Variants in SRRD observed in about 807,000 individuals in gnomAD.
The protein encoded by SRRD is SRR1 domain containing.
Under a neutral mutation model 30.7 loss-of-function variants are expected in SRRD, and 28 were observed. The ratio of observed to expected loss-of-function variants is 0.91; its 90% CI spans 0.68 to 1.25. The LOEUF is 1.25. Among genes scored for constraint, SRRD ranks in the 50% most tolerant of loss-of-function variants. The probability of loss-of-function intolerance (pLI) is 0.00; values close to 1 mark genes in which losing one functional copy is unlikely to be tolerated. For missense variants in SRRD, 415 were observed against 417.3 expected (o/e 0.99, Z 0.05); for synonymous variants, 161 against 159.6 (o/e 1.01, Z -0.07).
chr22:26,493,994 G>A lies in SRRD; in HGVS notation c.*2322G>A. ...AGCTGACCATGTACCCCAGTCAGCAGGGTGAGAGTCTGTTGCTATGTGCAA... is the reference window on the plus strand; with the variant it reads ...AGCTGACCATGTACCCCAGTCAGCAAGGTGAGAGTCTGTTGCTATGTGCAA... On this transcript the variant is annotated 3_prime_UTR_variant, in exon 7 of 7. Coordinates refer to ENST00000215917, the MANE Select transcript of SRRD (RefSeq NM_001013694.3). 1 of 850,684 alleles carries A rather than the reference G, an allele frequency of 1.2e-6. No individual in the cohort carries two copies. Among genetic ancestry groups the A allele is most frequent in the Non-Finnish European group, 1.8e-6 (1 of 555,364 alleles). 52.7% of individuals were successfully genotyped at this position (850,684 alleles called of 1,614,324 possible).
chr22:26,490,559 C>CTTTTTTTGTTTTTTTTTTTTTTTT (rs1921027462), intron 5 of SRRD, among the ~76,000 whole-genome samples: 1 of 51,834 alleles, frequency 1.9e-5, no homozygotes, highest in Non-Finnish European at 3.4e-5. Context: ...GGAATATTTG[C>CTTTTTTTGTTTTTTTTTTTTTTTT]TTTTTTTTTT....
chr22:26,485,333 G>C (rs2091682920), intron 1 of SRRD, among the ~76,000 whole-genome samples: 1 of 152,184 alleles, frequency 6.6e-6, no homozygotes, highest in East Asian at 1.9e-4. Context: ...TCTACCCTCT[G>C]TGAGAAACGT....
At position 26,488,245 on chromosome 22, in the gene SRRD, G is replaced by C. The variant is rs368944593; in HGVS notation, c.467G>C (p.Arg156Thr). The C allele has an allele frequency of 1.1e-5, 17 of 1,614,062 alleles. No individual in the cohort carries two copies. Among genetic ancestry groups the C allele is most frequent in the Non-Finnish European group, 1.4e-5 (17 of 1,180,042 alleles). Residue 156 changes from arginine (R) to threonine (T), a missense_variant, in exon 3 of 7, where the codon AGA (arginine) becomes ACA (threonine). Coordinates refer to ENST00000215917, the MANE Select transcript of SRRD (RefSeq NM_001013694.3). The stretch of plus-strand genomic sequence containing the variant: ...AACTTTGCCACCTGCATCGTAGCTA[G>C]AAACCAGCTAACGTTTTTGCTGCTT... ...IGNFATCIVA[R>T]NQLTFLLLLL...
rs1032637543 is a variant in SRRD at position 26,492,178 on chromosome 22, C to A, written c.*506C>A. On this transcript the variant is annotated 3_prime_UTR_variant, in exon 7 of 7. Transcript: ENST00000215917. Reference sequence around the variant, plus strand: ...TGACGGGCATGAAGACAATGTTGTGCTCCTCAGCCTTGGTCTCAATGAGGT... The same window carrying A: ...TGACGGGCATGAAGACAATGTTGTGATCCTCAGCCTTGGTCTCAATGAGGT... 1.5e-5 allele frequency: 24 copies of A among 1,614,236 alleles called. No individual in the cohort carries two copies. Among genetic ancestry groups the A allele is most frequent in the Non-Finnish European group, 2.0e-5 (24 of 1,180,050 alleles).
rs1229787407 is a variant in SRRD at position 26,494,367 on chromosome 22, T to C, written c.*2695T>C. 2.5e-6 allele frequency: 4 copies of C among 1,600,280 alleles called. No homozygotes were observed. Among genetic ancestry groups the C allele is most frequent in the East Asian group, 2.2e-5 (1 of 44,826 alleles). On this transcript the variant is annotated 3_prime_UTR_variant, in exon 7 of 7. Transcript: ENST00000215917. ...ACAAATGAAGGCAAGATTTCTGAAG[T>C]GGCCATTTGTTTTGTTTTGATCCTG...
Position 26,494,166 on chromosome 22 carries a change from TGATA to T in SRRD, c.*2495_*2498del. On this transcript the variant is annotated 3_prime_UTR_variant, in exon 7 of 7. Coordinates refer to ENST00000215917, the MANE Select transcript of SRRD (RefSeq NM_001013694.3). ...ACGTTGGAGGACACCGCCCGGTTCA[TGATA>T]TCAAGTGCCTCATTAAATTTGTCCT... 6.2e-7 allele frequency: 1 copy of T among 1,614,204 alleles called. No individual in the cohort carries two copies. Among genetic ancestry groups the T allele is most frequent in the Non-Finnish European group, 8.5e-7 (1 of 1,180,036 alleles).
chr22:26,489,899 C>T (rs992167762), intron 4 of SRRD, 145 bp from the exon 5 acceptor site: 3 of 774,828 alleles, frequency 3.9e-6, no homozygotes, highest in South Asian at 1.9e-5. Flanking sequence ...ATTTCATATA[C>T]GAGTGTAACT....
chr22:26,494,593 C>T lies in SRRD; in HGVS notation c.*2921C>T, dbSNP rs1921681885. The T allele has an allele frequency of 1.3e-6, 1 of 796,640 alleles. No individual in the cohort carries two copies. Among genetic ancestry groups the T allele is most frequent in the Non-Finnish European group, 1.9e-6 (1 of 514,536 alleles). 49.3% of individuals were successfully genotyped at this position (796,640 alleles called of 1,614,324 possible). A position where few individuals can be genotyped will look rare whatever the true frequency, so the allele number is the denominator to read the frequency against. On this transcript the variant is annotated 3_prime_UTR_variant, in exon 7 of 7. Coordinates refer to ENST00000215917, the MANE Select transcript of SRRD (RefSeq NM_001013694.3). ...GTTGCTGAGAGGAGCTGAGATAAAG[C>T]AAATAAAGTGCTTGGAACAGCTTCT... is the stretch of plus-strand genomic sequence containing the variant.
At chr22:26,486,117 C>T in intron 2 of SRRD, 54 bp downstream of exon 2, 1 of 1,611,402 alleles carries the variant, frequency 6.2e-7, no homozygotes, top group East Asian at 2.2e-5. Flanking sequence ...GAGAATCAGT[C>T]CTCATTTGAG....
chr22:26,491,309 A>C, intron 6 of SRRD, 154 bp from the exon 7 acceptor site: 1 of 751,354 alleles, frequency 1.3e-6, no homozygotes, highest in South Asian at 1.9e-5. Context: ...TGGGGCGCCC[A>C]ATTCATTGTG....
intron 4 of SRRD, among the ~76,000 whole-genome samples, chr22:26,489,722 G>A (rs1298237649): frequency 6.6e-6 from 1 of 152,092 alleles, no homozygotes; most frequent in Non-Finnish European, 1.5e-5. Context: ...AATACATGGG[G>A]TAAGTAACAT....
intron 1 of SRRD, among the ~76,000 whole-genome samples, chr22:26,484,478 A>G (rs1185140889): frequency 6.6e-6 from 1 of 152,186 alleles, no homozygotes; most frequent in African/African-American, 2.4e-5. Flanking sequence ...TATTATGCCG[A>G]TGTTGATATT....
At position 26,483,889 on chromosome 22, in the gene SRRD, C is replaced by T; in HGVS notation, c.-2C>T. On this transcript the variant is annotated 5_prime_UTR_variant, in exon 1 of 7. Coordinates refer to ENST00000215917, the MANE Select transcript of SRRD (RefSeq NM_001013694.3). ...GCCGCACGCCGCTGACGTCAGAGAC[C>T]AATGGCTGCGGCCGCAGCTGCGGCG... The T allele has an allele frequency of 7.4e-7, 1 of 1,350,154 alleles. No homozygotes were observed. Among genetic ancestry groups the T allele is most frequent in the Non-Finnish European group, 9.4e-7 (1 of 1,060,358 alleles). 83.6% of individuals were successfully genotyped at this position (1,350,154 alleles called of 1,614,324 possible).
At chr22:26,491,198 TG>T in intron 6 of SRRD, 128 bp downstream of exon 6, 1 of 961,434 alleles carries the variant, frequency 1.0e-6, no homozygotes, top group South Asian at 1.5e-5. Context: ...GCTCTCTCCA[TG>T]GGTCTGTGTT....
chr22:26,491,549 T>A lies in SRRD; in HGVS notation c.897T>A (p.Pro299=). 6.2e-7 allele frequency: 1 copy of A among 1,614,164 alleles called. No individual in the cohort carries two copies. Among genetic ancestry groups the A allele is most frequent in the South Asian group, 1.1e-5 (1 of 91,084 alleles). The change falls in exon 7 of 7, where the codon CCT becomes CCA. Residue 299 remains proline, a synonymous_variant. Coordinates refer to ENST00000215917, the MANE Select transcript of SRRD (RefSeq NM_001013694.3). ...ATGATACCTCTGTCCACTGGTTCCC[T>A]GTGCAAAAGCTAGAACAGCTCTCCA... is the stretch of plus-strand genomic sequence containing the variant. ...IFNDTSVHWF[P]VQKLEQLSID... is the part of the protein sequence containing the mutation.
intron 5 of SRRD, 79 bp from the exon 6 acceptor site, chr22:26,490,946 A>T: frequency 3.0e-6 from 4 of 1,348,986 alleles, no homozygotes; most frequent in Non-Finnish European, 3.1e-6. Flanking sequence ...TATGTGTCTT[A>T]AAAGTTGAAT....
chr22:26,488,507 A>G lies in SRRD; in HGVS notation c.609+19A>G. 6.3e-7 allele frequency: 1 copy of G among 1,586,174 alleles called. No individual in the cohort carries two copies. Among genetic ancestry groups the G allele is most frequent in the African/African-American group, 1.3e-5 (1 of 74,434 alleles). On this transcript the variant is annotated intron_variant, in intron 4 of 6. Transcript: ENST00000215917. Reference sequence around the variant, plus strand: ...GAACGAGGTAAGTGGTTTAAAGGGGAGCAGACAGAACTGTAAAAATCCTGA... The same window carrying G: ...GAACGAGGTAAGTGGTTTAAAGGGGGGCAGACAGAACTGTAAAAATCCTGA...
In SRRD at chr22:26,492,267, C is replaced by T. The variant is rs986593060; in HGVS notation, c.*595C>T. 1.2e-6 allele frequency: 2 copies of T among 1,614,134 alleles called. No homozygotes were observed. The highest frequency in any genetic ancestry group is 2.2e-5 in the South Asian group (2 of 91,094). Reference sequence around the variant, plus strand: ...ATGCCCCTCTGAGCCATGTTCTCAGCCTCCCGCCTCTCCTGCATGGCCTCG... The same window carrying T: ...ATGCCCCTCTGAGCCATGTTCTCAGTCTCCCGCCTCTCCTGCATGGCCTCG... On this transcript the variant is annotated 3_prime_UTR_variant, in exon 7 of 7. Coordinates refer to ENST00000215917, the MANE Select transcript of SRRD (RefSeq NM_001013694.3).
Position 26,492,005 on chromosome 22 carries a change from G to A in SRRD, c.*333G>A, listed in dbSNP as rs1712520283. On this transcript the variant is annotated 3_prime_UTR_variant, in exon 7 of 7. Coordinates refer to ENST00000215917, the MANE Select transcript of SRRD (RefSeq NM_001013694.3). The stretch of plus-strand genomic sequence containing the variant: ...CAAGTCTCTGACTGGTTCTGGACCT[G>A]CCACAGTTCACTTGGCCATGTCGAT... 6.3e-7 allele frequency: 1 copy of A among 1,582,520 alleles called. No individual in the cohort carries two copies. The highest frequency in any genetic ancestry group is 8.6e-7 in the Non-Finnish European group (1 of 1,164,110).
Sources: allele counts gnomAD v4.1 joint callset (sites outside exome capture counted in the v4.1 genomes callset), GRCh38; gene constraint gnomAD v4.1.1; transcripts MANE v1.5; gene names NCBI Gene and HGNC (gene_info 2026-07-23, HGNC 2026-07-21).